Variants in FBXO36 observed in about 807,000 individuals in gnomAD.
FBXO36 encodes F-box protein 36, also known as F-box only protein 36.
Under a neutral mutation model 17.0 loss-of-function variants are expected in FBXO36, and 18 were observed. That is an observed-to-expected ratio of 1.06 (90% CI 0.73 to 1.57). The LOEUF (loss-of-function observed/expected upper bound fraction) is 1.57, where lower values mean the gene tolerates loss of function less well. Ranked by LOEUF, FBXO36 falls within the 40% of genes most tolerant of loss-of-function variation. The pLI, the probability that FBXO36 is intolerant of heterozygous loss-of-function variation, is 0.00. For synonymous variants in FBXO36, 83 were observed against 85.3 expected, an observed-to-expected ratio of 0.97 and a Z score of 0.15; for missense variants, 229 against 221.9, an observed-to-expected ratio of 1.03 and a Z score of -0.20.
At chr2:229,985,069 C>T (rs1326490236) in intron 2 of FBXO36, among the ~76,000 whole-genome samples, 1 of 152,188 alleles carries the variant, frequency 6.6e-6, no homozygotes, top group Non-Finnish European at 1.5e-5. Context: ...AACTGGCTCG[C>T]ATGCCACTGC....
Position 229,949,874 on chromosome 2 carries a change from G to C in FBXO36, c.97-26367G>C, listed in dbSNP as rs190211809. ...TGGGAGGCGGAGCTTGCAGTGAGCC[G>C]AGATCGTGCCAGGGCACTCCAGCCT... On this transcript the variant is annotated intron_variant, in intron 1 of 3. Coordinates refer to ENST00000283946, the MANE Select transcript of FBXO36 (RefSeq NM_174899.5). Among the ~76,000 whole-genome samples the C allele has an allele frequency of 3.7e-3, 565 of 152,330 alleles. 4 individuals carry two copies. Among genetic ancestry groups the C allele is most frequent in the African/African-American group, 0.013 (541 of 41,576 alleles).
chr2:229,981,419 C>T (rs1175447670), intron 2 of FBXO36, among the ~76,000 whole-genome samples: 1 of 151,888 alleles, frequency 6.6e-6, no homozygotes, highest in South Asian at 2.1e-4. Context: ...CACTCTGCTG[C>T]CTAGGCTGGA....
chr2:229,931,178 C>T (rs2076936849), intron 1 of FBXO36, among the ~76,000 whole-genome samples: 1 of 152,154 alleles, frequency 6.6e-6, no homozygotes, highest in African/African-American at 2.4e-5. Context: ...TTAAAAATAA[C>T]AGTATTCACT....
At position 229,974,713 on chromosome 2, in the gene FBXO36, CATT is replaced by C. The variant is rs1179946643; in HGVS notation, c.97-1525_97-1523del. Among the ~76,000 whole-genome samples the C allele has an allele frequency of 2.0e-5, 3 of 152,102 alleles. No homozygotes were observed. In the East Asian group the frequency reaches 5.8e-4, roughly 29 times the overall value. ...TCTGGCTGGAAGGATCACTGACTGT[CATT>C]ATAACATAGAGGCCTTGCCCATTAA... On this transcript the variant is annotated intron_variant, in intron 1 of 3. Coordinates refer to ENST00000283946, the MANE Select transcript of FBXO36 (RefSeq NM_174899.5).
rs567569831 is a variant in FBXO36, at chr2:229,930,886, C to T, written c.96+8277C>T. Among the ~76,000 whole-genome samples, 5 of 152,310 alleles carry T rather than the reference C, an allele frequency of 3.3e-5. 1 individual carries two copies. The highest frequency in any genetic ancestry group is 3.3e-4 in the Admixed American group (5 of 15,288). On this transcript the variant is annotated intron_variant, in intron 1 of 3. Transcript: ENST00000283946. ...GCTGTCATTTACCCCCTCACTGCTC[C>T]TCCTGATGGCAGCAAGTGCGCAAAC... is the stretch of plus-strand genomic sequence containing the variant.
chr2:229,959,845 CA>C (rs529333643), intron 1 of FBXO36, among the ~76,000 whole-genome samples: 2,963 of 141,384 alleles, frequency 0.021, 44 homozygotes, highest in South Asian at 0.069. Context: ...GACTCCATCT[CA>C]AAAAAAAAAA....
chr2:229,969,938 G>GT (rs1361415351), intron 1 of FBXO36, among the ~76,000 whole-genome samples: 2 of 152,064 alleles, frequency 1.3e-5, no homozygotes, highest in Admixed American at 1.3e-4. Flanking sequence ...AAAAGATATT[G>GT]AACAATTAAA....
chr2:229,986,431 AG>A (rs1382238334), intron 2 of FBXO36, among the ~76,000 whole-genome samples: 1 of 152,166 alleles, frequency 6.6e-6, no homozygotes, highest in Non-Finnish European at 1.5e-5. Flanking sequence ...TGTATACAAG[AG>A]GTCACGGCTG....
chr2:229,932,869 AC>A, intron 1 of FBXO36: 2 of 329,592 alleles, frequency 6.1e-6, no homozygotes, highest in Admixed American at 3.2e-5. Flanking sequence ...GGAGTTGGAG[AC>A]CAGCCTGACA....
intron 2 of FBXO36, among the ~76,000 whole-genome samples, chr2:229,987,146 G>A (rs895168984): frequency 6.6e-5 from 10 of 151,468 alleles, no homozygotes; most frequent in South Asian, 4.2e-4. Flanking sequence ...AGGAGACAGA[G>A]GCTGCAGTGA....
At chr2:229,988,212 TA>T (rs1294094570) in intron 2 of FBXO36, among the ~76,000 whole-genome samples, 25 of 152,194 alleles carry the variant, frequency 1.6e-4, no homozygotes, top group African/African-American at 5.5e-4. Flanking sequence ...AATTATAACG[TA>T]TTTTTTTAGA....
chr2:229,929,914 T>G (rs1017756512), intron 1 of FBXO36, among the ~76,000 whole-genome samples: 2 of 152,214 alleles, frequency 1.3e-5, no homozygotes, highest in African/African-American at 4.8e-5. Context: ...TTCTGCCCAC[T>G]GACCACCGTC....
chr2:229,997,717 C>T lies in FBXO36; in HGVS notation c.378+794C>T, dbSNP rs182628192. 2.0e-5 allele frequency among the ~76,000 whole-genome samples: 3 copies of T among 152,268 alleles called. No individual in the cohort carries two copies. The East Asian group carries it at 5.8e-4, about 29-fold the overall frequency. On this transcript the variant is annotated intron_variant, in intron 3 of 3. Coordinates refer to ENST00000283946, the MANE Select transcript of FBXO36 (RefSeq NM_174899.5). ...TTCAGTGGGCTGTCCATTGCAGTGT[C>T]CTGTTTTCTTCCTTGCCCGAAGCTG...
intron 2 of FBXO36, among the ~76,000 whole-genome samples, chr2:229,978,527 C>T (rs576902149): frequency 2.6e-5 from 4 of 151,950 alleles, no homozygotes; most frequent in African/African-American, 9.7e-5. Context: ...GTGGAGGTTG[C>T]GGTGAGCCGA....
intron 1 of FBXO36, among the ~76,000 whole-genome samples, chr2:229,965,822 C>T (rs1389020903): frequency 6.6e-6 from 1 of 152,210 alleles, no homozygotes; most frequent in African/African-American, 2.4e-5. Context: ...GTGAATAGTG[C>T]CACAATAAAC....
intron 1 of FBXO36, among the ~76,000 whole-genome samples, chr2:229,929,891 G>A (rs1305660107): frequency 6.6e-6 from 1 of 152,128 alleles, no homozygotes; most frequent in Non-Finnish European, 1.5e-5. Context: ...AGACTTCTAA[G>A]CTATCATGCC....
intron 1 of FBXO36, among the ~76,000 whole-genome samples, chr2:229,953,481 G>A (rs2077068229): frequency 6.6e-6 from 1 of 151,880 alleles, no homozygotes; most frequent in South Asian, 2.1e-4. Flanking sequence ...TTTGAGACCA[G>A]CCTGGGCAAT....
In FBXO36 at chr2:229,922,537, T is replaced by A. The variant is rs1402173055; in HGVS notation, c.24T>A (p.Thr8=). MASWLPE[T]LFETVGQGPP... ...AGATGGCGTCGTGGCTGCCGGAGAC[T>A]CTCTTTGAAACTGTAGGACAAGGCC... The change falls in exon 1 of 4, where the codon ACT becomes ACA. Residue 8 remains threonine, a synonymous_variant. Coordinates refer to ENST00000283946, the MANE Select transcript of FBXO36 (RefSeq NM_174899.5). The A allele has an allele frequency of 6.2e-6, 10 of 1,613,812 alleles. No individual in the cohort carries two copies. The East Asian group carries it at 1.3e-4, about 22-fold the overall frequency.
rs2077146436 is a variant in FBXO36, at chr2:229,965,348, CTTTTTTATTT to C, written c.97-10892_97-10883del. 4.0e-5 allele frequency among the ~76,000 whole-genome samples: 6 copies of C among 149,270 alleles called. No individual in the cohort carries two copies. The South Asian group carries it at 1.3e-3, about 31-fold the overall frequency. On this transcript the variant is annotated intron_variant, in intron 1 of 3. Transcript: ENST00000283946. ...GCATGAATGAATTTTCTTTTTTTTT[CTTTTTTATTT>C]ATTTATTTTTTATATATTTATATTC...
Sources: allele counts gnomAD v4.1 joint callset (sites outside exome capture counted in the v4.1 genomes callset), GRCh38; gene constraint gnomAD v4.1.1; transcripts MANE v1.5; gene names NCBI Gene and HGNC (gene_info 2026-07-23, HGNC 2026-07-21).